The following CNTNAP5 variants were observed in gnomAD, a reference collection of about 807,000 sequenced individuals.
CNTNAP5 encodes the protein contactin-associated protein-like 5.
CNTNAP5 carries 72 observed loss-of-function variants against 150.2 expected under a neutral mutation model. The observed-to-expected ratio is 0.48, with a 90% confidence interval of 0.40 to 0.58. The LOEUF (loss-of-function observed/expected upper bound fraction) is 0.58, where lower values mean the gene tolerates loss of function less well. Ranked by LOEUF, CNTNAP5 falls within the 20% of genes least tolerant of loss-of-function variation. CNTNAP5 has a pLI of 0.00. For missense variants in CNTNAP5, 1,636 were observed against 1,626.2 expected, an observed-to-expected ratio of 1.01 and a Z score of -0.10; for synonymous variants, 672 against 619.8, an observed-to-expected ratio of 1.08 and a Z score of -1.25.
At chr2:124,267,373 T>C (rs1186066) in intron 3 of CNTNAP5, among the ~76,000 whole-genome samples, 70,203 of 151,930 alleles carry the variant, frequency 0.46, 16,260 homozygotes, top group Admixed American at 0.5. Flanking sequence ...CCATTCCAAA[T>C]GTAACTCTTC....
chr2:124,705,117 G>A (rs1343912251), intron 13 of CNTNAP5, among the ~76,000 whole-genome samples: 1 of 147,146 alleles, frequency 6.8e-6, no homozygotes, highest in African/African-American at 2.4e-5. Flanking sequence ...ATATAGTTAT[G>A]TATTACACAC....
At chr2:124,250,274 G>A (rs780041) in intron 3 of CNTNAP5, among the ~76,000 whole-genome samples, 64,090 of 151,984 alleles carry the variant, frequency 0.42, 14,257 homozygotes, top group Non-Finnish European at 0.49. Context: ...ATTTGCTTTT[G>A]TAATGAAATC....
Position 124,609,892 on chromosome 2 carries a change from A to G in CNTNAP5, c.1848A>G (p.Gly616=), listed in dbSNP as rs369207904. 1.5e-5 allele frequency: 25 copies of G among 1,613,782 alleles called. No homozygotes were observed. The African/African-American group carries it at 3.3e-4, about 22-fold the overall frequency. The change falls in exon 12 of 24, where the codon GGA becomes GGG. Residue 616 remains glycine (G), a synonymous_variant. Coordinates refer to ENST00000682447, the MANE Select transcript of CNTNAP5 (RefSeq NM_001367498.1). Reference sequence around the variant, plus strand: ...ACTCAGATGGCAGCGGCCCACTGGGACCTCTCCAGGTGTACTGCAATATCA... The same window carrying G: ...ACTCAGATGGCAGCGGCCCACTGGGGCCTCTCCAGGTGTACTGCAATATCA... ...YIDSDGSGPL[G]PLQVYCNITE... is the part of the protein sequence containing the mutation.
At chr2:124,331,747 A>C (rs1362252845) in intron 3 of CNTNAP5, among the ~76,000 whole-genome samples, 1 of 152,018 alleles carries the variant, frequency 6.6e-6, no homozygotes, top group Admixed American at 6.6e-5. Context: ...TCTTTCATAG[A>C]AAGTAGACTC....
intron 1 of CNTNAP5, among the ~76,000 whole-genome samples, chr2:124,150,942 A>T (rs1315761083): frequency 6.6e-6 from 1 of 152,226 alleles, no homozygotes; most frequent in African/African-American, 2.4e-5. Context: ...AAGTAAATGC[A>T]GTCATTTTTT....
In CNTNAP5 at chr2:124,109,162, T is replaced by C. The variant is rs1416136319; in HGVS notation, c.82+83430T>C. On this transcript the variant is annotated intron_variant, in intron 1 of 23. Coordinates refer to ENST00000682447, the MANE Select transcript of CNTNAP5 (RefSeq NM_001367498.1). ...GGTCCCTGATTGAAAATCTTTGAAA[T>C]AATTAATTTTGTATTTAAATTTGTG... Among the ~76,000 whole-genome samples the C allele has an allele frequency of 5.3e-5, 8 of 152,260 alleles. No homozygotes were observed. In the East Asian group the frequency reaches 1.2e-3, roughly 22 times the overall value.
chr2:124,194,155 C>T (rs192220422), intron 1 of CNTNAP5, among the ~76,000 whole-genome samples: 24 of 151,926 alleles, frequency 1.6e-4, no homozygotes, highest in Admixed American at 9.8e-4. Context: ...CATTCCAAAT[C>T]ACCTCTCAAC....
intron 1 of CNTNAP5, among the ~76,000 whole-genome samples, chr2:124,073,520 T>C (rs998745135): frequency 1.3e-5 from 2 of 151,592 alleles, no homozygotes; most frequent in Non-Finnish European, 3.0e-5. Flanking sequence ...ATAGGAAAGA[T>C]TGACTGAGAT....
chr2:124,287,213 G>A (rs1688177040), intron 3 of CNTNAP5, among the ~76,000 whole-genome samples: 1 of 152,180 alleles, frequency 6.6e-6, no homozygotes, highest in Non-Finnish European at 1.5e-5. Context: ...AACATTCTTT[G>A]AGGTAGGTGG....
rs775112285 is a variant in CNTNAP5 at position 124,772,843 on chromosome 2, G to A, written c.2578G>A (p.Val860Met). ...TGCCATCGATGTTGGGAATGGTCCT[G>A]TGGAGCTTGTAGTCCAGTCTCCTTC... ...TFAIDVGNGP[V>M]ELVVQSPSLL... Residue 860 changes from valine (V) to methionine (M), a missense_variant, in exon 17 of 24, where the codon GTG becomes ATG. Coordinates refer to ENST00000682447, the MANE Select transcript of CNTNAP5 (RefSeq NM_001367498.1). 7.4e-6 allele frequency: 12 copies of A among 1,613,604 alleles called. No homozygotes were observed. The highest frequency in any genetic ancestry group is 1.3e-5 in the African/African-American group (1 of 74,890).
At chr2:124,675,465 T>C (rs12467580) in intron 13 of CNTNAP5, among the ~76,000 whole-genome samples, 60 of 152,282 alleles carry the variant, frequency 3.9e-4, no homozygotes, top group Admixed American at 3.0e-3. Context: ...AATGTAATTA[T>C]AGATCTGACA....
intron 1 of CNTNAP5, among the ~76,000 whole-genome samples, chr2:124,079,937 G>A (rs1287300665): frequency 6.6e-6 from 1 of 152,152 alleles, no homozygotes; most frequent in African/African-American, 2.4e-5. Flanking sequence ...AAGGGCTGTT[G>A]AAGAATAAAT....
intron 11 of CNTNAP5, among the ~76,000 whole-genome samples, chr2:124,591,009 C>A (rs969461788): frequency 3.9e-5 from 6 of 152,164 alleles, no homozygotes; most frequent in African/African-American, 1.4e-4. Context: ...AATGAAAACA[C>A]TGATCCATCT....
At chr2:124,852,304 G>C (rs946973374) in intron 19 of CNTNAP5, among the ~76,000 whole-genome samples, 2 of 152,154 alleles carry the variant, frequency 1.3e-5, no homozygotes, top group African/African-American at 4.8e-5. Context: ...ACATTATTGT[G>C]TGGCTCTCAT....
intron 1 of CNTNAP5, among the ~76,000 whole-genome samples, chr2:124,220,882 C>T (rs1288663672): frequency 6.6e-6 from 1 of 152,016 alleles, no homozygotes; most frequent in Admixed American, 6.6e-5. Flanking sequence ...ACAAAAATTC[C>T]AACCATGGCA....
intron 21 of CNTNAP5, among the ~76,000 whole-genome samples, chr2:124,895,939 T>C (rs532642875): frequency 4.0e-5 from 6 of 151,656 alleles, no homozygotes; most frequent in African/African-American, 1.5e-4. Flanking sequence ...CAATGGGCAC[T>C]GTGAAGAGTC....
Position 124,781,174 on chromosome 2 carries a change from A to C in CNTNAP5, c.2752+8157A>C, listed in dbSNP as rs117686106. 3.9e-4 allele frequency among the ~76,000 whole-genome samples: 59 copies of C among 152,282 alleles called. 1 individual carries two copies. In the East Asian group the frequency reaches 0.011, roughly 29 times the overall value. Reference sequence around the variant, plus strand: ...GCAAATATTTTCCAAGTGCATGCTCAGTCAGCCCTGGGCTGGGCAATGGGG... The same window carrying C: ...GCAAATATTTTCCAAGTGCATGCTCCGTCAGCCCTGGGCTGGGCAATGGGG... On this transcript the variant is annotated intron_variant, in intron 17 of 23. Transcript: ENST00000682447.
In CNTNAP5 at chr2:124,351,036, C is replaced by T. The variant is rs190169348; in HGVS notation, c.382-66407C>T. On this transcript the variant is annotated intron_variant, in intron 3 of 23. Coordinates refer to ENST00000682447, the MANE Select transcript of CNTNAP5 (RefSeq NM_001367498.1). ...CTGGCTTACACTCTTCTGTATCATT[C>T]TCTGATATCACCTTATCTGTACACG... Among the ~76,000 whole-genome samples the T allele has an allele frequency of 1.9e-3, 284 of 152,298 alleles. 1 individual carries two copies. The highest frequency in any genetic ancestry group is 6.4e-3 in the African/African-American group (265 of 41,572).
At chr2:124,386,094 T>C (rs1690919754) in intron 3 of CNTNAP5, among the ~76,000 whole-genome samples, 1 of 152,182 alleles carries the variant, frequency 6.6e-6, no homozygotes, top group South Asian at 2.1e-4. Flanking sequence ...TTGAGCTGCA[T>C]TTCCTGTGGA....
Sources: gnomAD v4.1 joint callset for allele counts (sites outside exome capture counted in the v4.1 genomes callset) on GRCh38, gnomAD v4.1.1 for gene constraint, MANE v1.5 for transcripts, NCBI Gene and HGNC (gene_info 2026-07-23, HGNC 2026-07-21) for gene names.